Variants in IGSF10 observed in about 807,000 individuals in gnomAD.
The protein encoded by IGSF10 is immunoglobulin superfamily member 10.
IGSF10 carries 126 observed loss-of-function variants against 128.2 expected under a neutral mutation model. The observed-to-expected ratio is 0.98, with a 90% CI of 0.85 to 1.14. The LOEUF is 1.14. Among genes scored for constraint, IGSF10 ranks in the 50% most tolerant of loss-of-function variants. The pLI is 0.00. For synonymous variants in IGSF10, 1,185 were observed against 1,146.2 expected (o/e 1.03, Z -0.68); for missense variants, 3,295 against 3,149.8 (o/e 1.05, Z -1.10).
chr3:151,593,182 G>A, the IGSF10 span, among the ~76,000 whole-genome samples: 1 of 151,196 alleles, frequency 6.6e-6, no homozygotes, highest in Admixed American at 6.5e-5. Flanking sequence ...CCAGGCTAGA[G>A]TGTAGGGACA....
At chr3:151,539,663 A>T in the IGSF10 span, among the ~76,000 whole-genome samples, 7 of 152,004 alleles carry the variant, frequency 4.6e-5, no homozygotes, top group South Asian at 1.5e-3. Flanking sequence ...GACCACCCCC[A>T]CCTCCAACAC....
the IGSF10 span, among the ~76,000 whole-genome samples, chr3:151,546,307 C>T: frequency 4.0e-4 from 61 of 152,160 alleles, no homozygotes; most frequent in African/African-American, 1.4e-3. Flanking sequence ...ATCCCACCAA[C>T]AAGAGCAACT....
At chr3:151,602,229 A>C in the IGSF10 span, among the ~76,000 whole-genome samples, 1 of 152,198 alleles carries the variant, frequency 6.6e-6, no homozygotes, top group Non-Finnish European at 1.5e-5. Context: ...ATTCGATATC[A>C]TTACATATGG....
intron 7 of IGSF10, among the ~76,000 whole-genome samples, chr3:151,441,827 T>C (rs9867982): frequency 0.46 from 69,981 of 151,656 alleles, 17,536 homozygotes; most frequent in South Asian, 0.63. Context: ...TTTGGGAGGC[T>C]AAGGCGGGCA....
At chr3:151,573,581 G>C in the IGSF10 span, among the ~76,000 whole-genome samples, 1 of 152,028 alleles carries the variant, frequency 6.6e-6, no homozygotes. Flanking sequence ...CATTTGCTTG[G>C]TAGATCTTCC....
the IGSF10 span, among the ~76,000 whole-genome samples, chr3:151,588,600 T>C: frequency 1.3e-5 from 2 of 152,210 alleles, no homozygotes; most frequent in African/African-American, 4.8e-5. Flanking sequence ...TGATACGGTG[T>C]ATACAATTTA....
chr3:151,588,471 T>G, the IGSF10 span, among the ~76,000 whole-genome samples: 2 of 152,080 alleles, frequency 1.3e-5, no homozygotes, highest in African/African-American at 4.8e-5. Flanking sequence ...TCTCTGGGGG[T>G]TTATGTGCAT....
chr3:151,594,796 G>A, the IGSF10 span, among the ~76,000 whole-genome samples: 2 of 151,598 alleles, frequency 1.3e-5, no homozygotes, highest in Non-Finnish European at 2.9e-5. Context: ...CCAACACAAA[G>A]AAATGATGAA....
rs144703993 is a variant in IGSF10, at chr3:151,447,937, C to G, written c.2044G>C (p.Asp682His). ...AGATGAGCAATAGGATTGGACTCAT[C>G]AAGTCCAGATCCCTCTGTTTCTCCA... ...HDGETEGSGL[D>H]ESNPIAHLKE... Residue 682 changes from aspartate to histidine, a missense_variant, in exon 6 of 8, where the codon GAT becomes CAT. Transcript: ENST00000282466. The G allele has an allele frequency of 6.2e-7, 1 of 1,613,980 alleles. No individual in the cohort carries two copies. Among genetic ancestry groups the G allele is most frequent in the Admixed American group, 1.7e-5 (1 of 59,996 alleles).
At chr3:151,461,110 C>T, upstream of IGSF10, 1 of 985,332 alleles carries the variant, frequency 1.0e-6, no homozygotes, top group Non-Finnish European at 1.2e-6. Flanking sequence ...TGTCTGGGGA[C>T]GCGGCCGGGG....
At chr3:151,598,556 C>A in the IGSF10 span, among the ~76,000 whole-genome samples, 1 of 152,166 alleles carries the variant, frequency 6.6e-6, no homozygotes. Context: ...TGCATATAAT[C>A]TATGTACATC....
chr3:151,612,777 C>T, the IGSF10 span, among the ~76,000 whole-genome samples: 2 of 152,014 alleles, frequency 1.3e-5, no homozygotes, highest in Admixed American at 6.6e-5. Flanking sequence ...GGCATCAAGA[C>T]ATAGAAATTT....
chr3:151,584,184 T>A, the IGSF10 span, among the ~76,000 whole-genome samples: 4 of 152,192 alleles, frequency 2.6e-5, no homozygotes, highest in Non-Finnish European at 4.4e-5. Flanking sequence ...ATTGATCCTT[T>A]TATTATTATG....
the IGSF10 span, among the ~76,000 whole-genome samples, chr3:151,556,441 T>G: frequency 6.6e-6 from 1 of 152,134 alleles, no homozygotes; most frequent in Non-Finnish European, 1.5e-5. Context: ...AAGGAAAAGG[T>G]TATGTTATGG....
In IGSF10 at chr3:151,457,155, T is replaced by C. The variant is rs780889657; in HGVS notation, c.195A>G (p.Gly65=). The C allele has an allele frequency of 6.2e-7, 1 of 1,613,954 alleles. No homozygotes were observed. Among genetic ancestry groups the C allele is most frequent in the Non-Finnish European group, 8.5e-7 (1 of 1,179,948 alleles). Residue 65 remains glycine (G), a splice_region_variant and synonymous_variant, in exon 4 of 8, where the codon GGA becomes GGG. Transcript: ENST00000282466. ...CCATCAATCTAACCAAGCTGTTGTA[T>C]CTGAAATAAAAAATGACATTCTAGG... The part of the protein sequence containing the change: ...IPPNVERINL[G]YNSLVRLMET...
At chr3:151,576,945 C>T in the IGSF10 span, among the ~76,000 whole-genome samples, 1 of 152,066 alleles carries the variant, frequency 6.6e-6, no homozygotes, top group Non-Finnish European at 1.5e-5. Context: ...GGAGAAGCCC[C>T]TTTTTTCCTT....
At chr3:151,606,745 G>A in the IGSF10 span, among the ~76,000 whole-genome samples, 4 of 152,162 alleles carry the variant, frequency 2.6e-5, no homozygotes, top group Admixed American at 2.6e-4. Context: ...TGGGCCCCCA[G>A]TGCTTTTCCA....
chr3:151,488,054 T>A, the IGSF10 span, among the ~76,000 whole-genome samples: 1 of 152,154 alleles, frequency 6.6e-6, no homozygotes, highest in African/African-American at 2.4e-5. Context: ...TGTTTGCAGA[T>A]GACATGATCT....
chr3:151,434,147 C>T (rs1481350538), downstream of IGSF10: 1 of 152,058 alleles, frequency 6.6e-6, no homozygotes, highest in Non-Finnish European at 1.5e-5. Flanking sequence ...TTTCTTTTGC[C>T]ATATGATTTT....
Sources: allele counts gnomAD v4.1 joint callset (sites outside exome capture counted in the v4.1 genomes callset), GRCh38; gene constraint gnomAD v4.1.1; transcripts MANE v1.5; gene names NCBI Gene and HGNC (gene_info 2026-07-23, HGNC 2026-07-21).